The following TCF7L1 variants were observed in gnomAD, a reference collection of about 807,000 sequenced individuals.
The protein encoded by TCF7L1 is transcription factor 7 like 1.
A neutral mutation model predicts 63.7 loss-of-function variants in TCF7L1; 18 were observed. The observed-to-expected ratio is 0.28, with a 90% CI of 0.20 to 0.42. The LOEUF is 0.42. Among genes scored for constraint, TCF7L1 ranks in the 10% least tolerant of loss-of-function variants. The pLI is 1.00. For missense variants in TCF7L1, 654 were observed against 779.3 expected, an observed-to-expected ratio of 0.84 and a Z score of 1.91; for synonymous variants, 355 against 340.9, an observed-to-expected ratio of 1.04 and a Z score of -0.46.
chr2:85,167,335 TCAAAAAA>T (rs1678444167), intron 3 of TCF7L1: 1 of 151,962 alleles, frequency 6.6e-6, no homozygotes, highest in Non-Finnish European at 1.5e-5. Context: ...TAGAGGTTCT[TCAAAAAA>T]CAAAAAATTA....
chr2:85,293,983 C>G (rs557726266), intron 4 of TCF7L1, among the ~76,000 whole-genome samples: 2 of 145,794 alleles, frequency 1.4e-5, no homozygotes, highest in Non-Finnish European at 3.0e-5. Flanking sequence ...GAACCCCACC[C>G]CTAGAGTTTC....
At chr2:85,152,678 G>A (rs1678046322) in intron 3 of TCF7L1, among the ~76,000 whole-genome samples, 1 of 131,472 alleles carries the variant, frequency 7.6e-6, no homozygotes, top group Non-Finnish European at 1.6e-5. Flanking sequence ...CGGGTTATCT[G>A]CCCATCTCGG....
At chr2:85,135,933 G>C (rs148392019) in intron 3 of TCF7L1, among the ~76,000 whole-genome samples, 2 of 23,192 alleles carry the variant, frequency 8.6e-5, no homozygotes, top group South Asian at 2.6e-3. Context: ...CCAATCAAAG[G>C]GGGGGGGGGA....
chr2:85,303,619 G>T, intron 5 of TCF7L1: 1 of 336,360 alleles, frequency 3.0e-6, no homozygotes, highest in Non-Finnish European at 5.4e-6. Context: ...CTTCCAGGAC[G>T]CTGGCTTCTG....
rs962896883 is a variant in TCF7L1, at chr2:85,134,194, T to C, written c.313+115T>C. On this transcript the variant is annotated intron_variant, in intron 2 of 11. Transcript: ENST00000282111. This position sits in a 1 kb window ranked among gnomAD's most constrained non-coding sequence, Gnocchi z 5.0. ...TGGACGCACCCTTGCCCTCCGCCTT[T>C]ATTGGCGGCAGCCCCCGTGGGGCGC... is the stretch of plus-strand genomic sequence containing the variant. 4 of 1,496,364 alleles carry C rather than the reference T, an allele frequency of 2.7e-6. No individual in the cohort carries two copies. The highest frequency in any genetic ancestry group is 4.4e-5 in the Admixed American group (2 of 44,980). 92.7% of individuals were successfully genotyped at this position (1,496,364 alleles called of 1,614,324 possible).
chr2:85,263,963 C>T (rs1411966152), intron 3 of TCF7L1, among the ~76,000 whole-genome samples: 1 of 152,206 alleles, frequency 6.6e-6, no homozygotes, highest in Admixed American at 6.5e-5. Flanking sequence ...AGGAGGTCAG[C>T]AGTGGCCTTA....
chr2:85,250,106 G>T (rs904091984), intron 3 of TCF7L1, among the ~76,000 whole-genome samples: 1 of 152,216 alleles, frequency 6.6e-6, no homozygotes, highest in Non-Finnish European at 1.5e-5. Context: ...TATAAGCAGT[G>T]ATGTACTGGT....
At chr2:85,250,288 C>T (rs555586885) in intron 3 of TCF7L1, among the ~76,000 whole-genome samples, 1 of 152,158 alleles carries the variant, frequency 6.6e-6, no homozygotes, top group East Asian at 1.9e-4. Context: ...CTCTGGTCCA[C>T]TACTGGAAGG....
At chr2:85,203,190 C>T (rs1679317527) in intron 3 of TCF7L1, among the ~76,000 whole-genome samples, 1 of 152,126 alleles carries the variant, frequency 6.6e-6, no homozygotes, top group Non-Finnish European at 1.5e-5. Flanking sequence ...TTTCTCTGTT[C>T]AGTCAATTTT....
At chr2:85,256,897 C>T (rs1680731934) in intron 3 of TCF7L1, among the ~76,000 whole-genome samples, 1 of 151,990 alleles carries the variant, frequency 6.6e-6, no homozygotes, top group South Asian at 2.1e-4. Context: ...GCAGGAGAAT[C>T]ACTTGAACCT....
rs750361650 is a variant in TCF7L1, at chr2:85,303,968, C to G, written c.732C>G (p.Ile244Met). 6.2e-7 allele frequency: 1 copy of G among 1,612,072 alleles called. No individual in the cohort carries two copies. The highest frequency in any genetic ancestry group is 1.1e-5 in the South Asian group (1 of 90,870). The change falls in exon 6 of 12, where the codon ATC (isoleucine) becomes ATG (methionine). Residue 244 changes from isoleucine to methionine, a missense_variant. By Grantham distance (10) the Ile-to-Met change is conservative. Transcript: ENST00000282111. ...YPLSPGAVGQ[I>M]PHPLGWLVPQ... ...TCTCTCCCGGAGCTGTCGGACAAAT[C>G]CCCCACCCCCTCGGCTGGCTCGTCC...
At chr2:85,187,941 A>G (rs1454182356) in intron 3 of TCF7L1, among the ~76,000 whole-genome samples, 1 of 152,230 alleles carries the variant, frequency 6.6e-6, no homozygotes, top group East Asian at 1.9e-4. Context: ...ATACCATGGA[A>G]TACAGCAATA....
rs371715395 is a variant in TCF7L1 at position 85,309,183 on chromosome 2, T to C, written c.1488T>C (p.His496=). Residue 496 remains histidine, a synonymous_variant, in exon 12 of 12, where the codon CAT becomes CAC. Coordinates refer to ENST00000282111, the MANE Select transcript of TCF7L1 (RefSeq NM_031283.3). ...LASPAAPAAT[H]SEQAQPLSLT... is the part of the protein sequence containing the mutation. ...CACCAGCTGCCCCTGCTGCCACCCA[T>C]TCGGAGCAAGCCCAGCCCCTCTCCC... is the stretch of plus-strand genomic sequence containing the variant. 2.5e-6 allele frequency: 4 copies of C among 1,613,268 alleles called. No individual in the cohort carries two copies. The African/African-American group carries it at 4.0e-5, about 16-fold the overall frequency.
chr2:85,226,281 C>T (rs983982858), intron 3 of TCF7L1, among the ~76,000 whole-genome samples: 2 of 152,190 alleles, frequency 1.3e-5, no homozygotes, highest in African/African-American at 4.8e-5. Flanking sequence ...CAGGATGATG[C>T]TGGCCTCATA....
chr2:85,249,131 A>G (rs1455653731), intron 3 of TCF7L1, among the ~76,000 whole-genome samples: 1 of 152,174 alleles, frequency 6.6e-6, no homozygotes, highest in Non-Finnish European at 1.5e-5. Flanking sequence ...ACAAAGTAGC[A>G]TTTGAAATTT....
rs1416730274 is a variant in TCF7L1, at chr2:85,134,738, T to C, written c.441+288T>C. Among the ~76,000 whole-genome samples, 2 of 152,114 alleles carry C rather than the reference T, an allele frequency of 1.3e-5. No individual in the cohort carries two copies. The highest frequency in any genetic ancestry group is 4.8e-5 in the African/African-American group (2 of 41,426). ...ATTCTTCGCCTGCACCGAAGGAAACTTGGATTTGTGCCCGCTTTGGGGGGG... is the reference window on the plus strand; with the variant it reads ...ATTCTTCGCCTGCACCGAAGGAAACCTGGATTTGTGCCCGCTTTGGGGGGG... On this transcript the variant is annotated intron_variant, in intron 3 of 11. Transcript: ENST00000282111. This position sits in a 1 kb window ranked among gnomAD's most constrained non-coding sequence, Gnocchi z 5.0.
rs116010719 is a variant in TCF7L1 at position 85,264,130 on chromosome 2, C to T, written c.442-19365C>T. ...GCCCATCCAACTGTGGGTCTCCAGC[C>T]AATTGCACTGATTTTTCCTGCCCAT... On this transcript the variant is annotated intron_variant, in intron 3 of 11. Coordinates refer to ENST00000282111, the MANE Select transcript of TCF7L1 (RefSeq NM_031283.3). Among the ~76,000 whole-genome samples, 814 of 152,230 alleles carry T rather than the reference C, an allele frequency of 5.3e-3. 6 individuals carry two copies. Among genetic ancestry groups the T allele is most frequent in the African/African-American group, 0.019 (782 of 41,540 alleles).
At chr2:85,274,954 A>G (rs1186260257) in intron 3 of TCF7L1, among the ~76,000 whole-genome samples, 1 of 152,196 alleles carries the variant, frequency 6.6e-6, no homozygotes, top group African/African-American at 2.4e-5. Context: ...ACGTGAGATA[A>G]TCACTCTGCC....
At chr2:85,142,410 C>T (rs1157020553) in intron 3 of TCF7L1, among the ~76,000 whole-genome samples, 2 of 140,476 alleles carry the variant, frequency 1.4e-5, no homozygotes, top group Non-Finnish European at 3.0e-5. Flanking sequence ...AGAGTGAGAC[C>T]CTGTTTCCAA....
Sources: allele counts gnomAD v4.1 joint callset (sites outside exome capture counted in the v4.1 genomes callset), GRCh38; gene constraint gnomAD v4.1.1; non-coding constraint Gnocchi (gnomAD v3.1); transcripts MANE v1.5; gene names NCBI Gene and HGNC (gene_info 2026-07-23, HGNC 2026-07-21).